The following PCDH15 variants were observed in gnomAD, a reference collection of about 807,000 sequenced individuals.
PCDH15 encodes the protein protocadherin related 15.
A neutral mutation model predicts 178.5 loss-of-function variants in PCDH15; 129 were observed. The observed-to-expected ratio is 0.72, with a 90% CI of 0.63 to 0.84. The LOEUF is 0.84. Among genes scored for constraint, PCDH15 ranks in the 40% least tolerant of loss-of-function variants. The pLI, the probability that PCDH15 is intolerant of heterozygous loss-of-function variation, is 0.00. For synonymous variants in PCDH15, 800 were observed against 732.0 expected (o/e 1.09, Z -1.50); for missense variants, 2,230 against 2,099.9 (o/e 1.06, Z -1.21).
chr10:55,422,633 T>A (rs1838650811), intron 2 of PCDH15, among the ~76,000 whole-genome samples: 1 of 151,808 alleles, frequency 6.6e-6, no homozygotes, highest in Non-Finnish European at 1.5e-5. Context: ...GTGAAAGAAA[T>A]CGAAAGATCT....
intron 9 of PCDH15, among the ~76,000 whole-genome samples, chr10:54,216,882 A>C (rs1384563182): frequency 1.3e-5 from 2 of 152,198 alleles, no homozygotes; most frequent in Non-Finnish European, 2.9e-5. Flanking sequence ...ATACATCCTA[A>C]AGCAGATGAT....
intron 2 of PCDH15, among the ~76,000 whole-genome samples, chr10:55,477,479 T>A (rs1032523686): frequency 1.3e-5 from 2 of 151,918 alleles, no homozygotes; most frequent in African/African-American, 4.8e-5. Context: ...ACCGCTTCAG[T>A]GACTTAAGGA....
At chr10:54,977,779 A>C (rs1298519703) in intron 2 of PCDH15, among the ~76,000 whole-genome samples, 1 of 152,142 alleles carries the variant, frequency 6.6e-6, no homozygotes, top group Non-Finnish European at 1.5e-5. Flanking sequence ...CTGGATCAGG[A>C]TCCCTTTCTG....
intron 2 of PCDH15, among the ~76,000 whole-genome samples, chr10:54,593,771 G>T (rs1481194006): frequency 6.6e-6 from 1 of 152,020 alleles, no homozygotes. Context: ...GGCTAGCATG[G>T]CTACTAAAAC....
chr10:54,207,511 A>G (rs113453535), intron 10 of PCDH15, among the ~76,000 whole-genome samples: 8 of 152,134 alleles, frequency 5.3e-5, no homozygotes, highest in Non-Finnish European at 1.2e-4. Flanking sequence ...TGTAAAAGGT[A>G]AAGTTTTTAG....
chr10:54,517,853 C>G (rs1424359262), intron 3 of PCDH15, among the ~76,000 whole-genome samples: 1 of 152,114 alleles, frequency 6.6e-6, no homozygotes, highest in East Asian at 1.9e-4. Context: ...GAAATTATAA[C>G]AAATTGTCTC....
At chr10:54,501,237 A>T (rs557989576) in intron 3 of PCDH15, among the ~76,000 whole-genome samples, 1 of 140,098 alleles carries the variant, frequency 7.1e-6, no homozygotes, top group African/African-American at 2.9e-5. Flanking sequence ...GTATAATAAT[A>T]AAAAAAAAAA....
intron 3 of PCDH15, among the ~76,000 whole-genome samples, chr10:54,516,379 C>A (rs2082220343): frequency 6.6e-6 from 1 of 152,016 alleles, no homozygotes; most frequent in Non-Finnish European, 1.5e-5. Flanking sequence ...GCTGATGGAG[C>A]TGAAAGCCAA....
At chr10:54,838,801 C>T (rs1260132905) in intron 3 of PCDH15, among the ~76,000 whole-genome samples, 4 of 152,120 alleles carry the variant, frequency 2.6e-5, no homozygotes, top group African/African-American at 4.8e-5. Context: ...TGTAACTTGG[C>T]GCCAGCCCCT....
intron 20 of PCDH15, among the ~76,000 whole-genome samples, chr10:54,015,520 C>A (rs1400537796): frequency 6.6e-6 from 1 of 152,090 alleles, no homozygotes; most frequent in Non-Finnish European, 1.5e-5. Context: ...GCTACGGTAA[C>A]CAAAACGGCA....
intron 2 of PCDH15, among the ~76,000 whole-genome samples, chr10:55,393,565 C>T (rs572822437): frequency 1.3e-5 from 2 of 152,194 alleles, no homozygotes; most frequent in Admixed American, 1.3e-4. Context: ...CAAAAGTTAC[C>T]TATGGGTCAA....
chr10:54,733,366 T>C (rs955081069), intron 1 of PCDH15, among the ~76,000 whole-genome samples: 1 of 151,596 alleles, frequency 6.6e-6, no homozygotes, highest in Admixed American at 6.6e-5. Context: ...AACCATACCA[T>C]GTACAATATC....
chr10:54,598,838 G>C (rs2092371641), intron 2 of PCDH15, among the ~76,000 whole-genome samples: 1 of 151,972 alleles, frequency 6.6e-6, no homozygotes, highest in Non-Finnish European at 1.5e-5. Flanking sequence ...CAACAGCCAA[G>C]CTGAGAGCCA....
chr10:55,433,125 T>A (rs1300191788), intron 2 of PCDH15, among the ~76,000 whole-genome samples: 1 of 152,124 alleles, frequency 6.6e-6, no homozygotes, highest in African/African-American at 2.4e-5. Context: ...TATAAGTTGG[T>A]CTACCATAAA....
At chr10:53,955,887 T>C (rs2087563027) in intron 23 of PCDH15, among the ~76,000 whole-genome samples, 1 of 152,328 alleles carries the variant, frequency 6.6e-6, no homozygotes, top group South Asian at 2.1e-4. Context: ...GAAACCATTC[T>C]GTGCTTCACT....
chr10:54,368,745 G>T (rs1226556372), intron 5 of PCDH15, among the ~76,000 whole-genome samples: 3 of 151,794 alleles, frequency 2.0e-5, no homozygotes, highest in African/African-American at 7.3e-5. Context: ...TTTTCTTCCA[G>T]TATTTAATTA....
chr10:55,133,090 T>C (rs1445967287), intron 2 of PCDH15, among the ~76,000 whole-genome samples: 1 of 152,222 alleles, frequency 6.6e-6, no homozygotes, highest in Non-Finnish European at 1.5e-5. Context: ...TGATTGATGC[T>C]TGATCATTCA....
chr10:55,323,042 C>A (rs1843944875), upstream of PCDH15, among the ~76,000 whole-genome samples: 1 of 152,134 alleles, frequency 6.6e-6, no homozygotes, highest in African/African-American at 2.4e-5. Flanking sequence ...CAAGCCATTG[C>A]TAAAAGGGGC....
At chr10:55,246,386 AG>A (rs1466806067) in intron 1 of PCDH15, among the ~76,000 whole-genome samples, 3 of 152,206 alleles carry the variant, frequency 2.0e-5, no homozygotes, top group Non-Finnish European at 4.4e-5. Context: ...TATTAGGCAA[AG>A]TATATGAGGG....
Sources: allele counts gnomAD v4.1 joint callset (sites outside exome capture counted in the v4.1 genomes callset), GRCh38; gene constraint gnomAD v4.1.1; transcripts MANE v1.5; gene names NCBI Gene and HGNC (gene_info 2026-07-23, HGNC 2026-07-21).